The following SGCZ variants were observed in gnomAD, a reference collection of about 807,000 sequenced individuals.
SGCZ encodes sarcoglycan zeta.
In SGCZ, 40 loss-of-function variants were observed where a neutral mutation model predicts 41.3. The ratio of observed to expected loss-of-function variants is 0.97; its 90% CI spans 0.75 to 1.26. The LOEUF (loss-of-function observed/expected upper bound fraction) is 1.26. Among genes scored for constraint, SGCZ ranks in the 50% most tolerant of loss-of-function variants. The pLI is 0.00. For missense variants in SGCZ, 552 were observed against 369.8 expected (o/e 1.49, Z -4.04); for synonymous variants, 206 against 137.5 (o/e 1.50, Z -3.49).
chr8:14,630,545 T>G (rs563104044), intron 1 of SGCZ, among the ~76,000 whole-genome samples: 2,046 of 152,140 alleles, frequency 0.013, 45 homozygotes, highest in African/African-American at 0.045. Context: ...GGATTATAAA[T>G]CATGCTGCTA....
rs1403957016 is a variant in SGCZ at position 14,546,577 on chromosome 8, G to A, written c.234+8155C>T. On this transcript the variant is annotated intron_variant, in intron 2 of 7. Coordinates refer to ENST00000382080, the MANE Select transcript of SGCZ (RefSeq NM_139167.4). ...AATGTAGTCATACTTGGCACTTACA[G>A]ATCAGTTTTAACCATTCTAATTACA... Among the ~76,000 whole-genome samples the A allele has an allele frequency of 2.6e-5, 4 of 152,072 alleles. No individual in the cohort carries two copies. In the South Asian group the frequency reaches 8.3e-4, roughly 32 times the overall value.
chr8:14,377,866 T>A (rs1157078925), intron 2 of SGCZ, among the ~76,000 whole-genome samples: 1 of 151,750 alleles, frequency 6.6e-6, no homozygotes, highest in Non-Finnish European at 1.5e-5. Flanking sequence ...AACTCATCAT[T>A]TTTTATGGCT....
intron 1 of SGCZ, among the ~76,000 whole-genome samples, chr8:15,011,409 C>T (rs1802823774): frequency 6.6e-6 from 1 of 152,082 alleles, no homozygotes; most frequent in South Asian, 2.1e-4. Flanking sequence ...TCAAGTACAG[C>T]TTTTTAAAAT....
chr8:14,978,329 C>T (rs922346528), intron 1 of SGCZ, among the ~76,000 whole-genome samples: 4 of 134,836 alleles, frequency 3.0e-5, no homozygotes, highest in Non-Finnish European at 4.6e-5. Context: ...ATTAGTTGGG[C>T]GTGGTGCCAT....
At chr8:14,570,285 T>C (rs1804511763) in intron 1 of SGCZ, among the ~76,000 whole-genome samples, 1 of 152,210 alleles carries the variant, frequency 6.6e-6, no homozygotes, top group African/African-American at 2.4e-5. Flanking sequence ...CAGTAAGTTC[T>C]GATTGAATAA....
chr8:15,080,126 G>A (rs1208181599), intron 1 of SGCZ, among the ~76,000 whole-genome samples: 1 of 151,958 alleles, frequency 6.6e-6, no homozygotes, highest in African/African-American at 2.4e-5. Context: ...TTGATTCCTG[G>A]ACGAGATATT....
intron 1 of SGCZ, among the ~76,000 whole-genome samples, chr8:14,753,737 T>C (rs1475923458): frequency 6.6e-6 from 1 of 152,176 alleles, no homozygotes; most frequent in African/African-American, 2.4e-5. Context: ...TATAAAGGAC[T>C]CATTCTGTGA....
intron 1 of SGCZ, among the ~76,000 whole-genome samples, chr8:15,023,073 G>T (rs561415410): frequency 2.0e-5 from 3 of 152,234 alleles, no homozygotes; most frequent in African/African-American, 7.2e-5. Flanking sequence ...TGTTGCCAGA[G>T]AACAGTAACT....
chr8:14,788,357 T>C (rs962269383), intron 1 of SGCZ, among the ~76,000 whole-genome samples: 4 of 152,180 alleles, frequency 2.6e-5, no homozygotes, highest in Admixed American at 1.3e-4. Flanking sequence ...TCTCTAAGTG[T>C]TGGCTTCCTC....
intron 1 of SGCZ, among the ~76,000 whole-genome samples, chr8:15,019,337 A>G (rs1432313204): frequency 6.6e-6 from 1 of 152,174 alleles, no homozygotes; most frequent in Admixed American, 6.5e-5. Context: ...GCAACAAAGG[A>G]AGGATAAAGG....
intron 1 of SGCZ, among the ~76,000 whole-genome samples, chr8:14,758,286 A>C (rs1295435664): frequency 1.3e-5 from 2 of 152,186 alleles, no homozygotes; most frequent in African/African-American, 2.4e-5. Context: ...AGTGAGGGTG[A>C]CAGGCATGGT....
rs1019362158 is a variant in SGCZ, at chr8:14,516,139, T to C, written c.234+38593A>G. Among the ~76,000 whole-genome samples, 5 of 152,176 alleles carry C rather than the reference T, an allele frequency of 3.3e-5. No individual in the cohort carries two copies. The East Asian group carries it at 9.7e-4, about 30-fold the overall frequency. Reference sequence around the variant, plus strand: ...TTTTTTTCTATGTCTGTGGTTTTTTTCTTTTTTGTAAACATTTTACTTTAG... The same window carrying C: ...TTTTTTTCTATGTCTGTGGTTTTTTCCTTTTTTGTAAACATTTTACTTTAG... On this transcript the variant is annotated intron_variant, in intron 2 of 7. Transcript: ENST00000382080.
In SGCZ at chr8:14,902,805, G is replaced by A. The variant is rs181247628; in HGVS notation, c.39+334780C>T. On this transcript the variant is annotated intron_variant, in intron 1 of 7. Coordinates refer to ENST00000382080, the MANE Select transcript of SGCZ (RefSeq NM_139167.4). ...TCAGTTACCTTAATCAGGAATACATGCTCTATAGTGGTTAGCTAATATTTA... is the reference window on the plus strand; with the variant it reads ...TCAGTTACCTTAATCAGGAATACATACTCTATAGTGGTTAGCTAATATTTA... Among the ~76,000 whole-genome samples the A allele has an allele frequency of 1.1e-3, 173 of 152,182 alleles. 1 individual carries two copies. The highest frequency in any genetic ancestry group is 1.5e-3 in the Non-Finnish European group (100 of 67,990).
intron 2 of SGCZ, among the ~76,000 whole-genome samples, chr8:14,409,971 A>C (rs947299823): frequency 3.9e-5 from 6 of 152,034 alleles, no homozygotes; most frequent in African/African-American, 4.8e-5. Context: ...GGGGTCCCCA[A>C]CTCCCAGGCC....
At chr8:14,945,463 A>T (rs1800411555) in intron 1 of SGCZ, among the ~76,000 whole-genome samples, 1 of 152,018 alleles carries the variant, frequency 6.6e-6, no homozygotes, top group Non-Finnish European at 1.5e-5. Flanking sequence ...TATCATGAAG[A>T]GTTGGTCAAA....
At chr8:15,022,239 GT>G (rs1349754805) in intron 1 of SGCZ, among the ~76,000 whole-genome samples, 4 of 152,154 alleles carry the variant, frequency 2.6e-5, no homozygotes, top group African/African-American at 9.7e-5. Context: ...ATTCAGTGAG[GT>G]AGGTGAATAT....
intron 1 of SGCZ, among the ~76,000 whole-genome samples, chr8:14,626,175 A>T (rs1806447533): frequency 6.6e-6 from 1 of 151,928 alleles, no homozygotes; most frequent in Admixed American, 6.6e-5. Flanking sequence ...TTATGTTCTA[A>T]GATACTTGTG....
intron 3 of SGCZ, among the ~76,000 whole-genome samples, chr8:14,244,479 T>G (rs1799011989): frequency 6.6e-6 from 1 of 152,196 alleles, no homozygotes; most frequent in Non-Finnish European, 1.5e-5. Context: ...AGTACCATGC[T>G]GTTTTGGTTA....
chr8:14,218,113 C>A (rs536436194), intron 4 of SGCZ, among the ~76,000 whole-genome samples: 12 of 152,004 alleles, frequency 7.9e-5, no homozygotes, highest in African/African-American at 2.9e-4. Context: ...TTGAACTGGT[C>A]CCCCTAGGCA....
Sources: allele counts gnomAD v4.1 joint callset (sites outside exome capture counted in the v4.1 genomes callset), GRCh38; gene constraint gnomAD v4.1.1; transcripts MANE v1.5; gene names NCBI Gene and HGNC (gene_info 2026-07-23, HGNC 2026-07-21).